GAREM2: variants seen among roughly 807,000 people sequenced by gnomAD.
GAREM2 encodes the protein GRB2-associated and regulator of MAPK protein 2.
GAREM2 carries 30 observed loss-of-function variants against 55.6 expected under a neutral mutation model. The observed-to-expected ratio is 0.54, with a 90% CI of 0.40 to 0.73. GAREM2 has a LOEUF of 0.73. Ranked by LOEUF, GAREM2 falls within the 30% of genes least tolerant of loss-of-function variation. The pLI is 0.00. For missense variants in GAREM2, 1,075 were observed against 1,257.7 expected, an observed-to-expected ratio of 0.85 and a Z score of 2.20; for synonymous variants, 550 against 569.1, an observed-to-expected ratio of 0.97 and a Z score of 0.48.
Position 26,185,286 on chromosome 2 carries a change from C to T in GAREM2, c.1428+10C>T, listed in dbSNP as rs1333915892. 2.7e-6 allele frequency: 4 copies of T among 1,500,546 alleles called. No individual in the cohort carries two copies. The highest frequency in any genetic ancestry group is 1.2e-5 in the South Asian group (1 of 81,320). 93.0% of individuals were successfully genotyped at this position (1,500,546 alleles called of 1,614,324 possible). The stretch of plus-strand genomic sequence containing the variant: ...TCCCAAATCCGAGGCGGTGAGTGAG[C>T]GCGCTGGGGGCCGAGTCCCGGGTCC... On this transcript the variant is annotated intron_variant, in intron 4 of 5. Coordinates refer to ENST00000401533, the MANE Select transcript of GAREM2 (RefSeq NM_001168241.2).
intron 2 of GAREM2, among the ~76,000 whole-genome samples, chr2:26,177,086 G>A (rs1668888712): frequency 1.3e-5 from 2 of 152,210 alleles, no homozygotes; most frequent in Admixed American, 1.3e-4. Context: ...TTTGTTTGAA[G>A]AAAGGATTCT....
intron 1 of GAREM2, 75 bp downstream of exon 1, chr2:26,173,407 T>C: frequency 1.2e-6 from 1 of 816,154 alleles, no homozygotes; most frequent in South Asian, 3.8e-5. Context: ...GCCAGAGGGA[T>C]CGTGAGGAGG....
chr2:26,191,446 G>T (rs200075452), downstream of GAREM2: 164 of 1,614,156 alleles, frequency 1.0e-4, 2 homozygotes, highest in Admixed American at 2.7e-3. Context: ...CGGGCTCCAG[G>T]CTAAAGTGAG....
rs543972022 is a variant in GAREM2 at position 26,187,566 on chromosome 2, C to T, written c.1934C>T (p.Ala645Val). 3 of 1,545,798 alleles carry T rather than the reference C, an allele frequency of 1.9e-6. No homozygotes were observed. In the East Asian group the frequency reaches 7.3e-5, roughly 38 times the overall value. The stretch of plus-strand genomic sequence containing the variant: ...GCCTACCCCTCAGGCCCTTCAGCGG[C>T]CTTGTCTTCTGGGCCCAGAACCACC... ...GPAYPSGPSA[A>V]LSSGPRTTSG... Residue 645 changes from alanine (A) to valine (V), a missense_variant, in exon 6 of 6, where the codon GCC becomes GTC. Transcript: ENST00000401533.
the GAREM2 span, among the ~76,000 whole-genome samples, chr2:26,198,175 G>A: frequency 6.6e-6 from 1 of 151,908 alleles, no homozygotes; most frequent in South Asian, 2.1e-4. Context: ...ATCACTCCCC[G>A]CTTCACCTTT....
downstream of GAREM2, among the ~76,000 whole-genome samples, chr2:26,194,401 T>G (rs760190610): frequency 6.6e-6 from 1 of 152,136 alleles, no homozygotes; most frequent in Non-Finnish European, 1.5e-5. Context: ...CAGTGCAGTA[T>G]AAGCCCAACT....
Position 26,173,346 on chromosome 2 carries a change from TG to T in GAREM2, c.112+16del. On this transcript the variant is annotated intron_variant, in intron 1 of 5. Coordinates refer to ENST00000401533, the MANE Select transcript of GAREM2 (RefSeq NM_001168241.2). ...GCCTTGGGCCAGGTACCGGGGTCGCTGGAGATGGGGACCGGGGTCCGCGGGG... is the reference window on the plus strand; with the variant it reads ...GCCTTGGGCCAGGTACCGGGGTCGCTGAGATGGGGACCGGGGTCCGCGGGG... The T allele has an allele frequency of 7.5e-7, 1 of 1,331,988 alleles. No homozygotes were observed. Among genetic ancestry groups the T allele is most frequent in the Non-Finnish European group, 9.7e-7 (1 of 1,026,160 alleles). 82.5% of individuals were successfully genotyped at this position (1,331,988 alleles called of 1,614,324 possible).
chr2:26,173,546 C>T (rs1668766929), intron 1 of GAREM2, among the ~76,000 whole-genome samples: 2 of 151,832 alleles, frequency 1.3e-5, no homozygotes, highest in African/African-American at 2.4e-5. Context: ...CAGGCACAGA[C>T]ACCGGGGACA....
Position 26,182,596 on chromosome 2 carries a change from G to C in GAREM2, c.254-371G>C, listed in dbSNP as rs1416465031. 5.3e-6 allele frequency: 6 copies of C among 1,122,544 alleles called. No homozygotes were observed. In the African/African-American group the frequency reaches 6.2e-5, roughly 12 times the overall value. 69.5% of individuals were successfully genotyped at this position (1,122,544 alleles called of 1,614,324 possible). The stretch of plus-strand genomic sequence containing the variant: ...GCAAGTCAGAGGTCAGGCTGGGACA[G>C]AGCAAGGAGCCAGCATCCCGGTACC... On this transcript the variant is annotated intron_variant, in intron 2 of 5. Transcript: ENST00000401533.
Position 26,188,340 on chromosome 2 carries a change from A to G in GAREM2, c.*83A>G, listed in dbSNP as rs935220490. On this transcript the variant is annotated 3_prime_UTR_variant, in exon 6 of 6. Transcript: ENST00000401533. ...CTCCGGAGGAGCAGGTGCTGCCTGC[A>G]AGAAGGATCTATGTCGAGACTGAGG... The G allele has an allele frequency of 1.3e-5, 14 of 1,089,260 alleles. No individual in the cohort carries two copies. The highest frequency in any genetic ancestry group is 1.8e-5 in the Non-Finnish European group (14 of 792,632). The allele number at this position is 1,089,260 out of a possible 1,614,324, so 67.5% of individuals were successfully genotyped here. A position where few individuals can be genotyped will look rare whatever the true frequency, so the allele number is the denominator to read the frequency against.
At chr2:26,195,368 T>G in the GAREM2 span, 1 of 815,268 alleles carries the variant, frequency 1.2e-6, no homozygotes, top group Non-Finnish European at 2.2e-6. Flanking sequence ...GCTGAGTGGT[T>G]TGGTTCCATG....
chr2:26,174,620 T>C (rs1370816412), intron 1 of GAREM2, among the ~76,000 whole-genome samples: 2 of 152,190 alleles, frequency 1.3e-5, no homozygotes, highest in African/African-American at 4.8e-5. Flanking sequence ...GATTATGGAT[T>C]GAATGAATGG....
chr2:26,173,212 G>T lies in GAREM2; in HGVS notation c.-9G>T. The T allele has an allele frequency of 1.6e-6, 2 of 1,242,310 alleles. No individual in the cohort carries two copies. The highest frequency in any genetic ancestry group is 2.0e-6 in the Non-Finnish European group (2 of 980,482). The allele number at this position is 1,242,310 out of a possible 1,614,324, so 77.0% of individuals were successfully genotyped here. ...GGCCCCGGGACGGCGGCCCCGGGGCGCCCATGCCATGGAGAAGCTGGCGGC... is the reference window on the plus strand; with the variant it reads ...GGCCCCGGGACGGCGGCCCCGGGGCTCCCATGCCATGGAGAAGCTGGCGGC... On this transcript the variant is annotated 5_prime_UTR_variant, in exon 1 of 6. Coordinates refer to ENST00000401533, the MANE Select transcript of GAREM2 (RefSeq NM_001168241.2).
At chr2:26,204,296 G>A in the GAREM2 span, 1 of 973,032 alleles carries the variant, frequency 1.0e-6, no homozygotes, top group South Asian at 1.3e-5. Flanking sequence ...ACTAATGCAG[G>A]CACAACTATA....
chr2:26,184,188 C>G (rs755499354), intron 3 of GAREM2, 45 bp from the exon 4 acceptor site: 1 of 1,541,122 alleles, frequency 6.5e-7, no homozygotes, highest in South Asian at 1.2e-5. Flanking sequence ...GTGTGGCTTT[C>G]CCTGGGACCT....
rs1558310717 is a variant in GAREM2, at chr2:26,187,699, T to TCC, written c.2067_2068insCC (p.Ser690ProfsTer85). 1 of 1,487,374 alleles carries TCC rather than the reference T, an allele frequency of 6.7e-7. No individual in the cohort carries two copies. The highest frequency in any genetic ancestry group is 1.4e-5 in the African/African-American group (1 of 70,830). The allele number at this position is 1,487,374 out of a possible 1,614,324, so 92.1% of individuals were successfully genotyped here. On this transcript the variant is annotated frameshift_variant, in exon 6 of 6. Coordinates refer to ENST00000401533, the MANE Select transcript of GAREM2 (RefSeq NM_001168241.2). LOFTEE classifies it high-confidence loss of function. ...CCTCCTGCGCCCCCTCCTCCTCCTC[T>TCC]TCTTCTGAATGGCAGGAACCAGTCC...
intron 1 of GAREM2, 96 bp from the exon 2 acceptor site, chr2:26,176,248 G>T (rs1668860995): frequency 2.5e-6 from 3 of 1,208,018 alleles, no homozygotes; most frequent in Non-Finnish European, 3.3e-6. Flanking sequence ...CCCTCAGGGG[G>T]GCGGTCTTGG....
At chr2:26,185,978 C>T (rs1046884155) in intron 4 of GAREM2, among the ~76,000 whole-genome samples, 3 of 152,112 alleles carry the variant, frequency 2.0e-5, no homozygotes, top group Admixed American at 6.5e-5. Context: ...GGCTGTGGGA[C>T]AGGGTGTGGG....
At chr2:26,186,083 C>CA in intron 4 of GAREM2, 106 bp from the exon 5 acceptor site, 1 of 1,155,232 alleles carries the variant, frequency 8.7e-7, no homozygotes. Context: ...CAAAGTGGGG[C>CA]AAATGTCAGG....
Sources: allele counts gnomAD v4.1 joint callset (sites outside exome capture counted in the v4.1 genomes callset), GRCh38; gene constraint gnomAD v4.1.1; transcripts MANE v1.5; gene names NCBI Gene and HGNC (gene_info 2026-07-23, HGNC 2026-07-21).